Variants in PPP1R12A observed in about 807,000 individuals in gnomAD.
PPP1R12A encodes the protein myosin binding subunit.
Under a neutral mutation model 139.6 loss-of-function variants are expected in PPP1R12A, and 19 were observed. That is an observed-to-expected ratio of 0.14 (90% CI 0.09 to 0.20). The LOEUF is 0.20. Ranked by LOEUF, PPP1R12A falls within the 10% of genes least tolerant of loss-of-function variation. The pLI, the probability that PPP1R12A is intolerant of heterozygous loss-of-function variation, is 1.00. For synonymous variants in PPP1R12A, 427 were observed against 420.6 expected, an observed-to-expected ratio of 1.02 and a Z score of -0.19; for missense variants, 925 against 1,211.5, an observed-to-expected ratio of 0.76 and a Z score of 3.51.
intron 1 of PPP1R12A, among the ~76,000 whole-genome samples, chr12:79,880,743 G>A (rs1333926268): frequency 6.6e-6 from 1 of 151,978 alleles, no homozygotes; most frequent in African/African-American, 2.4e-5. Context: ...CACCGATATC[G>A]GCATACCTAG....
At chr12:79,918,492 T>C (rs1263099208) in intron 1 of PPP1R12A, among the ~76,000 whole-genome samples, 2 of 152,178 alleles carry the variant, frequency 1.3e-5, no homozygotes, top group Admixed American at 1.3e-4. Flanking sequence ...CACACAATAT[T>C]TACTGCATGC....
At chr12:79,865,167 C>T (rs542865211) in intron 2 of PPP1R12A, among the ~76,000 whole-genome samples, 5 of 152,222 alleles carry the variant, frequency 3.3e-5, no homozygotes, top group East Asian at 3.9e-4. Context: ...GTTCAACATA[C>T]GCAAATTAAT....
chr12:79,878,700 G>A (rs1052765581), intron 1 of PPP1R12A, among the ~76,000 whole-genome samples: 2 of 152,054 alleles, frequency 1.3e-5, no homozygotes, highest in Non-Finnish European at 2.9e-5. Flanking sequence ...GAAGCGCCGA[G>A]CAAAACAGGA....
At chr12:79,881,575 C>G (rs535936771) in intron 1 of PPP1R12A, among the ~76,000 whole-genome samples, 3 of 152,192 alleles carry the variant, frequency 2.0e-5, no homozygotes, top group Admixed American at 2.0e-4. Flanking sequence ...AGGTAAGAAG[C>G]AATCTCCATA....
chr12:79,887,891 C>A (rs190424727), intron 1 of PPP1R12A, among the ~76,000 whole-genome samples: 1 of 152,246 alleles, frequency 6.6e-6, no homozygotes, highest in East Asian at 1.9e-4. Context: ...TCATTAACCT[C>A]TTAAAGTCAC....
intron 1 of PPP1R12A, among the ~76,000 whole-genome samples, chr12:79,912,284 T>C (rs1002865627): frequency 4.6e-5 from 7 of 152,250 alleles, no homozygotes; most frequent in Non-Finnish European, 1.5e-5. Context: ...AAATACTTAA[T>C]ACAACTTGCA....
chr12:79,935,254 T>TG (rs1433889274), upstream of PPP1R12A: 2 of 1,121,232 alleles, frequency 1.8e-6, no homozygotes, highest in Non-Finnish European at 2.2e-6. Context: ...CCTGGGCCTG[T>TG]GCCCGCCCCA....
Position 79,798,560 on chromosome 12 carries a change from A to G in PPP1R12A, c.2025T>C (p.Asp675=). 3 of 1,567,066 alleles carry G rather than the reference A, an allele frequency of 1.9e-6. No individual in the cohort carries two copies. The highest frequency in any genetic ancestry group is 2.6e-6 in the Non-Finnish European group (3 of 1,152,734). Residue 675 remains aspartate, a synonymous_variant, in exon 15 of 25, where the codon GAT becomes GAC. Coordinates refer to ENST00000450142, the MANE Select transcript of PPP1R12A (RefSeq NM_002480.3). ...CTTTTCTTTGGGATTCAGACTCTTC[A>G]TCCCTAACAGGAGTGAGGTATGATC... is the stretch of plus-strand genomic sequence containing the variant. ...RRRSYLTPVR[D]EESESQRKAR...
Position 79,834,717 on chromosome 12 carries a change from T to C in PPP1R12A, c.488-2226A>G, listed in dbSNP as rs910872694. ...GTAATCAGTTGCATATCTAAGCCTG[T>C]AGGAGAGAGAACTAGGGAAATAATA... On this transcript the variant is annotated intron_variant, in intron 3 of 24. Transcript: ENST00000450142. Among the ~76,000 whole-genome samples the C allele has an allele frequency of 2.6e-5, 4 of 152,266 alleles. No homozygotes were observed. The East Asian group carries it at 7.8e-4, about 30-fold the overall frequency.
At chr12:79,868,052 G>GA (rs1882173930) in intron 2 of PPP1R12A, among the ~76,000 whole-genome samples, 1 of 152,116 alleles carries the variant, frequency 6.6e-6, no homozygotes, top group South Asian at 2.1e-4. Flanking sequence ...GTAGAGATGA[G>GA]AAAGTTTCTT....
intron 9 of PPP1R12A, among the ~76,000 whole-genome samples, chr12:79,812,628 T>C (rs928793629): frequency 2.6e-5 from 4 of 152,042 alleles, no homozygotes; most frequent in African/African-American, 9.7e-5. Context: ...TCCAGTCCAG[T>C]CTCCTAAATT....
At chr12:79,884,801 G>A (rs1223652316) in intron 1 of PPP1R12A, among the ~76,000 whole-genome samples, 2 of 152,032 alleles carry the variant, frequency 1.3e-5, no homozygotes, top group East Asian at 1.9e-4. Context: ...TTAATTCCAC[G>A]TACAGGCAGC....
intron 1 of PPP1R12A, among the ~76,000 whole-genome samples, chr12:79,890,246 T>C (rs938726981): frequency 2.0e-5 from 3 of 152,130 alleles, no homozygotes; most frequent in Admixed American, 6.6e-5. Flanking sequence ...GAAAAACTCA[T>C]ACAAAGTAAA....
chr12:79,868,832 AC>A (rs957233410), intron 2 of PPP1R12A, among the ~76,000 whole-genome samples: 19 of 151,592 alleles, frequency 1.3e-4, no homozygotes, highest in Non-Finnish European at 2.4e-4. Context: ...CTGATTCAGC[AC>A]CCCAAAGGAA....
intron 14 of PPP1R12A, among the ~76,000 whole-genome samples, chr12:79,802,490 A>G (rs145179991): frequency 1.3e-5 from 2 of 152,344 alleles, no homozygotes; most frequent in African/African-American, 4.8e-5. Flanking sequence ...TGGTTAAACA[A>G]AGCTTATAGC....
At chr12:79,875,286 C>G (rs1882992638) in intron 1 of PPP1R12A, among the ~76,000 whole-genome samples, 1 of 152,128 alleles carries the variant, frequency 6.6e-6, no homozygotes, top group Admixed American at 6.5e-5. Context: ...GATGCAATCC[C>G]CATGTATTAC....
At chr12:79,797,631 T>C (rs1054628426) in intron 15 of PPP1R12A, among the ~76,000 whole-genome samples, 3 of 152,116 alleles carry the variant, frequency 2.0e-5, no homozygotes, top group East Asian at 1.9e-4. Context: ...AAGTTCAAAC[T>C]AGAGAAGAAT....
chr12:79,807,155 G>A (rs1332297957), intron 12 of PPP1R12A, 71 bp downstream of exon 12: 5 of 817,368 alleles, frequency 6.1e-6, no homozygotes, highest in Non-Finnish European at 9.4e-6. Flanking sequence ...GTTAAACTGA[G>A]GGCTCCAAAC....
At chr12:79,833,543 A>T (rs1237570355) in intron 3 of PPP1R12A, among the ~76,000 whole-genome samples, 1 of 151,832 alleles carries the variant, frequency 6.6e-6, no homozygotes, top group Non-Finnish European at 1.5e-5. Flanking sequence ...GGGAGATCAG[A>T]GCCAGGTGCG....
Sources: allele counts gnomAD v4.1 joint callset (sites outside exome capture counted in the v4.1 genomes callset), GRCh38; gene constraint gnomAD v4.1.1; transcripts MANE v1.5; gene names NCBI Gene and HGNC (gene_info 2026-07-23, HGNC 2026-07-21).